The following PAPOLG variants were observed in gnomAD, a reference collection of about 807,000 sequenced individuals.
PAPOLG encodes poly(A) polymerase gamma.
A neutral mutation model predicts 99.0 loss-of-function variants in PAPOLG; 40 were observed. The ratio of observed to expected loss-of-function variants is 0.40; its 90% CI spans 0.31 to 0.53. The LOEUF is 0.53. Among genes scored for constraint, PAPOLG ranks in the 20% least tolerant of loss-of-function variants. PAPOLG has a pLI of 0.41. For synonymous variants in PAPOLG, 310 were observed against 299.3 expected (o/e 1.04, Z -0.37); for missense variants, 675 against 884.1 (o/e 0.76, Z 3.00).
intron 21 of PAPOLG, 89 bp from the exon 22 acceptor site, chr2:60,796,972 TC>T: frequency 6.5e-7 from 1 of 1,533,656 alleles, no homozygotes; most frequent in Non-Finnish European, 8.8e-7. Context: ...GGAGAAAAAC[TC>T]CCCAAGTTTT....
intron 15 of PAPOLG, among the ~76,000 whole-genome samples, chr2:60,791,088 C>CAA (rs60761169): frequency 3.4e-4 from 46 of 135,770 alleles, no homozygotes; most frequent in African/African-American, 9.6e-4. Flanking sequence ...GAGTCTGTGT[C>CAA]AAAAAAAAAA....
chr2:60,774,158 G>A (rs1481540895), intron 7 of PAPOLG, among the ~76,000 whole-genome samples: 4 of 151,872 alleles, frequency 2.6e-5, no homozygotes, highest in Admixed American at 6.6e-5. Flanking sequence ...GCAGTGGCGC[G>A]ATCTCGGCTC....
rs1416651105 is a variant in PAPOLG, at chr2:60,800,184, T to A, written c.*3024T>A. 1 of 152,168 alleles carries A rather than the reference T, an allele frequency of 6.6e-6. No homozygotes were observed. The highest frequency in any genetic ancestry group is 1.5e-5 in the Non-Finnish European group (1 of 68,024). The allele number at this position is 152,168 out of a possible 1,614,324, so 9.4% of individuals were successfully genotyped here. ...TGGGACAGGAGAATTATTATTTTTT[T>A]ATTTTTTATTTTTTTATGAAGACAA... On this transcript the variant is annotated 3_prime_UTR_variant, in exon 22 of 22. Coordinates refer to ENST00000238714, the MANE Select transcript of PAPOLG (RefSeq NM_022894.4).
intron 2 of PAPOLG, among the ~76,000 whole-genome samples, chr2:60,761,394 C>T (rs1233459197): frequency 4.6e-5 from 7 of 152,082 alleles, no homozygotes; most frequent in Non-Finnish European, 8.8e-5. Flanking sequence ...CTTCTATTAC[C>T]ACATTGTATT....
chr2:60,759,846 G>A (rs1468127853), intron 1 of PAPOLG, among the ~76,000 whole-genome samples: 3 of 152,166 alleles, frequency 2.0e-5, no homozygotes, highest in Non-Finnish European at 4.4e-5. Flanking sequence ...TCAAACTCTG[G>A]GTTTGAGCTG....
chr2:60,786,081 T>C (rs1281698395), intron 13 of PAPOLG, among the ~76,000 whole-genome samples: 1 of 152,178 alleles, frequency 6.6e-6, no homozygotes, highest in Non-Finnish European at 1.5e-5. Flanking sequence ...TGGGCTGAAA[T>C]TTTTAAATGA....
At chr2:60,788,852 T>C (rs1204361379) in intron 15 of PAPOLG, among the ~76,000 whole-genome samples, 1 of 151,900 alleles carries the variant, frequency 6.6e-6, no homozygotes, top group Non-Finnish European at 1.5e-5. Context: ...AAAAAAAAGT[T>C]TGCCAGGTAT....
rs963391354 is a variant in PAPOLG at position 60,756,293 on chromosome 2, C to T, written c.-186C>T. On this transcript the variant is annotated 5_prime_UTR_variant, in exon 1 of 22. Transcript: ENST00000238714. Reference sequence around the variant, plus strand: ...ATTGGCGTCGGCCGCGCTGTATTGTCATAAATAGAGCCGGTTTTGTGGTGT... The same window carrying T: ...ATTGGCGTCGGCCGCGCTGTATTGTTATAAATAGAGCCGGTTTTGTGGTGT... The T allele has an allele frequency of 2.2e-5, 16 of 718,928 alleles. No individual in the cohort carries two copies. The highest frequency in any genetic ancestry group is 1.7e-4 in the South Asian group (10 of 60,498). 44.5% of individuals were successfully genotyped at this position (718,928 alleles called of 1,614,324 possible). A position where few individuals can be genotyped will look rare whatever the true frequency, so the allele number is the denominator to read the frequency against.
chr2:60,786,824 C>A, intron 13 of PAPOLG, 123 bp from the exon 14 acceptor site: 8 of 1,211,008 alleles, frequency 6.6e-6, no homozygotes, highest in Non-Finnish European at 9.0e-6. Flanking sequence ...GCCACCATGC[C>A]CAGCCCGAAG....
chr2:60,781,715 A>G (rs1671195431), intron 10 of PAPOLG, 170 bp from the exon 11 acceptor site: 1 of 351,220 alleles, frequency 2.8e-6, no homozygotes, highest in African/African-American at 2.2e-5. Flanking sequence ...TGACTATCAG[A>G]CATATCCAAC....
At chr2:60,795,504 A>G (rs1313899049) in intron 21 of PAPOLG, among the ~76,000 whole-genome samples, 1 of 152,166 alleles carries the variant, frequency 6.6e-6, no homozygotes, top group East Asian at 1.9e-4. Flanking sequence ...TTATTATTTG[A>G]AGAATTACTT....
chr2:60,773,421 G>C (rs1220362766), intron 7 of PAPOLG, among the ~76,000 whole-genome samples: 1 of 152,002 alleles, frequency 6.6e-6, no homozygotes, highest in Non-Finnish European at 1.5e-5. Flanking sequence ...TTTGCGTAAG[G>C]GTTCTTTAAT....
In PAPOLG at chr2:60,770,447, C is replaced by T; in HGVS notation, c.439-11C>T. 1 of 1,588,088 alleles carries T rather than the reference C, an allele frequency of 6.3e-7. No individual in the cohort carries two copies. Among genetic ancestry groups the T allele is most frequent in the South Asian group, 1.2e-5 (1 of 85,724 alleles). The stretch of plus-strand genomic sequence containing the variant: ...ACACCTATGTGTTATAATTGTTTTC[C>T]TTTTTTGTAGGCTGTAGAAGATGCC... On this transcript the variant is annotated splice_polypyrimidine_tract_variant and intron_variant, in intron 5 of 21. Transcript: ENST00000238714.
intron 11 of PAPOLG, 162 bp from the exon 12 acceptor site, chr2:60,782,524 T>C: frequency 1.1e-6 from 1 of 881,702 alleles, no homozygotes; most frequent in Non-Finnish European, 1.4e-6. Context: ...TCCACCACAC[T>C]CCAGCCTGGG....
chr2:60,783,539 C>T (rs1254162740), intron 13 of PAPOLG, among the ~76,000 whole-genome samples: 3 of 100,272 alleles, frequency 3.0e-5, no homozygotes, highest in Non-Finnish European at 5.7e-5. Context: ...GAGAAGGAGT[C>T]TCCCTCTGTC....
chr2:60,786,936 G>A lies in PAPOLG; in HGVS notation c.1167-11G>A, dbSNP rs1573248897. On this transcript the variant is annotated splice_polypyrimidine_tract_variant and intron_variant, in intron 13 of 21. Coordinates refer to ENST00000238714, the MANE Select transcript of PAPOLG (RefSeq NM_022894.4). ...GGACATAAGATAAATTGTGTTTGTT[G>A]TTTATTTTAGGGTTGGATTAGTAGA... The A allele has an allele frequency of 6.9e-6, 11 of 1,600,572 alleles. No individual in the cohort carries two copies. The East Asian group carries it at 2.5e-4, about 36-fold the overall frequency.
intron 3 of PAPOLG, among the ~76,000 whole-genome samples, chr2:60,762,955 T>A (rs1294077600): frequency 6.6e-6 from 1 of 151,844 alleles, no homozygotes; most frequent in Non-Finnish European, 1.5e-5. Context: ...TTATTTTATT[T>A]TTTTTTGGAG....
intron 1 of PAPOLG, among the ~76,000 whole-genome samples, chr2:60,756,936 G>C (rs1670363266): frequency 6.6e-6 from 1 of 151,852 alleles, no homozygotes; most frequent in South Asian, 2.1e-4. Flanking sequence ...CGCAGCCCAA[G>C]GGTTTCTCTT....
intron 7 of PAPOLG, among the ~76,000 whole-genome samples, chr2:60,772,561 C>A (rs1394838611): frequency 1.3e-5 from 2 of 151,658 alleles, no homozygotes; most frequent in Non-Finnish European, 2.9e-5. Flanking sequence ...CCAGCCTGGA[C>A]AACATGGTAA....
Sources: gnomAD v4.1 joint callset for allele counts (sites outside exome capture counted in the v4.1 genomes callset) on GRCh38, gnomAD v4.1.1 for gene constraint, MANE v1.5 for transcripts, NCBI Gene and HGNC (gene_info 2026-07-23, HGNC 2026-07-21) for gene names.